Variants in DEFB104A observed in about 807,000 individuals in gnomAD.
DEFB104A encodes the protein beta-defensin 104.
Position 7,838,687 on chromosome 8 carries a change from AC to A in DEFB104A, c.58+2147del, listed in dbSNP as rs1258053362. ...AGAGCAAGACTCTGTCTCAAAAAAA[AC>A]CAAAAAAACAAACAAAAAAAAAAAC... On this transcript the variant is annotated intron_variant, in intron 1 of 1. Coordinates refer to ENST00000314265, the MANE Select transcript of DEFB104A (RefSeq NM_080389.3). Among the ~76,000 whole-genome samples the A allele has an allele frequency of 6.1e-5, 3 of 48,898 alleles. 1 individual carries two copies. The highest frequency in any genetic ancestry group is 1.5e-4 in the Non-Finnish European group (3 of 19,996). 32.1% of individuals were successfully genotyped at this position (48,898 alleles called of 152,430 possible). A position where few individuals can be genotyped will look rare whatever the true frequency, so the allele number is the denominator to read the frequency against.
At chr8:7,838,883 C>G (rs1309151538) in intron 1 of DEFB104A, among the ~76,000 whole-genome samples, 1 of 140,852 alleles carries the variant, frequency 7.1e-6, no homozygotes, top group East Asian at 2.0e-4. Context: ...TAACTAAGAC[C>G]TGAGACCTGC....
At chr8:7,839,248 C>G (rs1365690956) in intron 1 of DEFB104A, among the ~76,000 whole-genome samples, 1 of 144,864 alleles carries the variant, frequency 6.9e-6, no homozygotes, top group African/African-American at 2.5e-5. Context: ...TTCTTCTTCT[C>G]CCCTAACGCT....
At chr8:7,840,031 C>T (rs1317879030) in intron 1 of DEFB104A, among the ~76,000 whole-genome samples, 1 of 152,260 alleles carries the variant, frequency 6.6e-6, no homozygotes, top group Non-Finnish European at 1.5e-5. Context: ...TCAGAGAGCG[C>T]ACCCTGAGAC....
intron 1 of DEFB104A, among the ~76,000 whole-genome samples, chr8:7,837,550 A>T (rs1246205202): frequency 7.1e-6 from 1 of 140,456 alleles, no homozygotes; most frequent in Non-Finnish European, 1.5e-5. Flanking sequence ...CTTCTGTGAA[A>T]TTCTGCTATG....
At chr8:7,837,250 A>C (rs1817668047) in intron 1 of DEFB104A, among the ~76,000 whole-genome samples, 1 of 136,476 alleles carries the variant, frequency 7.3e-6, no homozygotes, top group Non-Finnish European at 1.6e-5. Context: ...CAAGCTGAGC[A>C]GCATTCTCTA....
In DEFB104A at chr8:7,838,689, CA is replaced by C. The variant is rs1341737440; in HGVS notation, c.58+2154del. On this transcript the variant is annotated intron_variant, in intron 1 of 1. Transcript: ENST00000314265. Reference sequence around the variant, plus strand: ...AGCAAGACTCTGTCTCAAAAAAAACCAAAAAAACAAACAAAAAAAAAAACAA... The same window carrying C: ...AGCAAGACTCTGTCTCAAAAAAAACCAAAAAACAAACAAAAAAAAAAACAA... 7.5e-4 allele frequency among the ~76,000 whole-genome samples: 10 copies of C among 13,328 alleles called. No homozygotes were observed. The East Asian group carries it at 0.02, about 27-fold the overall frequency. 8.7% of individuals were successfully genotyped at this position (13,328 alleles called of 152,430 possible).
intron 1 of DEFB104A, among the ~76,000 whole-genome samples, chr8:7,838,600 A>G (rs1381803880): frequency 1.4e-5 from 2 of 145,840 alleles, no homozygotes; most frequent in Non-Finnish European, 3.1e-5. Context: ...GAATCGCTTG[A>G]ACCCAAGAGG....
intron 1 of DEFB104A, among the ~76,000 whole-genome samples, chr8:7,836,867 C>T (rs1161041046): frequency 7.1e-6 from 1 of 141,814 alleles, no homozygotes; most frequent in Non-Finnish European, 1.5e-5. Context: ...ACTAGCCATG[C>T]TTGTTCCATT....
chr8:7,838,765 T>A (rs1244933730), intron 1 of DEFB104A, among the ~76,000 whole-genome samples: 1 of 140,914 alleles, frequency 7.1e-6, no homozygotes, highest in Middle Eastern at 3.4e-3. Context: ...CTAAAATGTA[T>A]AAAACCAAGC....
intron 1 of DEFB104A, among the ~76,000 whole-genome samples, chr8:7,839,613 A>G (rs1181925215): frequency 9.4e-4 from 80 of 84,978 alleles, no homozygotes; most frequent in African/African-American, 2.2e-3. Flanking sequence ...ATACCTAAGC[A>G]TCAGAAACAG....
intron 1 of DEFB104A, among the ~76,000 whole-genome samples, chr8:7,838,337 AG>A (rs1205140958): frequency 3.1e-4 from 43 of 140,850 alleles, no homozygotes; most frequent in African/African-American, 1.2e-3. Context: ...GCACCCCCAC[AG>A]GCCCCCCGCC....
chr8:7,839,419 T>C (rs1817715142), intron 1 of DEFB104A, among the ~76,000 whole-genome samples: 1 of 143,696 alleles, frequency 7.0e-6, no homozygotes, highest in Non-Finnish European at 1.6e-5. Context: ...CTCACTCCTT[T>C]CTTCATTGCC....
intron 1 of DEFB104A, among the ~76,000 whole-genome samples, chr8:7,837,208 GA>G (rs1817667133): frequency 1.4e-5 from 2 of 139,544 alleles, no homozygotes. Flanking sequence ...CAATGGATAT[GA>G]GAGAGCACCT....
chr8:7,838,877 T>G (rs1364064013), intron 1 of DEFB104A, among the ~76,000 whole-genome samples: 2 of 140,916 alleles, frequency 1.4e-5, no homozygotes, highest in East Asian at 2.0e-4. Flanking sequence ...CTACATTAAC[T>G]AAGACCTGAG....
chr8:7,837,154 C>T (rs1263154386), intron 1 of DEFB104A, among the ~76,000 whole-genome samples: 8 of 140,486 alleles, frequency 5.7e-5, no homozygotes, highest in African/African-American at 1.1e-4. Context: ...CTGACTCCTA[C>T]GTTAATCTAT....
intron 1 of DEFB104A, among the ~76,000 whole-genome samples, chr8:7,837,010 T>C (rs1817663023): frequency 7.0e-6 from 1 of 142,594 alleles, no homozygotes; most frequent in African/African-American, 2.6e-5. Context: ...CAACTTTTCA[T>C]ATCAAGTCAG....
chr8:7,837,695 C>T (rs1241395189), intron 1 of DEFB104A, among the ~76,000 whole-genome samples: 1 of 142,962 alleles, frequency 7.0e-6, no homozygotes, highest in East Asian at 2.0e-4. Flanking sequence ...AAGAATGCAC[C>T]GCAGAGCTGG....
chr8:7,836,832 A>G (rs1327287026), intron 1 of DEFB104A, among the ~76,000 whole-genome samples: 2 of 142,220 alleles, frequency 1.4e-5, no homozygotes, highest in African/African-American at 2.6e-5. Flanking sequence ...ACAATTCCTC[A>G]TGGAATCCTC....
chr8:7,839,330 G>C (rs1817712400), intron 1 of DEFB104A, among the ~76,000 whole-genome samples: 1 of 145,320 alleles, frequency 6.9e-6, no homozygotes, highest in Non-Finnish European at 1.5e-5. Flanking sequence ...AAAGCGACCT[G>C]CCACAGATAT....
Sources: allele counts gnomAD v4.1 joint callset (sites outside exome capture counted in the v4.1 genomes callset), GRCh38; gene constraint gnomAD v4.1.1; transcripts MANE v1.5; gene names NCBI Gene and HGNC (gene_info 2026-07-23, HGNC 2026-07-21).